Variants in ZKSCAN1 observed in about 807,000 individuals in gnomAD.
ZKSCAN1 encodes zinc finger with KRAB and SCAN domains 1.
In ZKSCAN1, 14 loss-of-function variants were observed where a neutral mutation model predicts 51.6. The observed-to-expected ratio is 0.27, with a 90% CI of 0.18 to 0.42. The LOEUF is 0.42. Among genes scored for constraint, ZKSCAN1 ranks in the 10% least tolerant of loss-of-function variants. The pLI, the probability that ZKSCAN1 is intolerant of heterozygous loss-of-function variation, is 1.00. For missense variants in ZKSCAN1, 531 were observed against 710.0 expected, an observed-to-expected ratio of 0.75 and a Z score of 2.86; for synonymous variants, 263 against 261.5, an observed-to-expected ratio of 1.01 and a Z score of -0.06.
chr7:100,022,582 T>C (rs1383756239), intron 1 of ZKSCAN1, among the ~76,000 whole-genome samples: 1 of 152,236 alleles, frequency 6.6e-6, no homozygotes, highest in Non-Finnish European at 1.5e-5. Context: ...ACAATTTAAC[T>C]GCCCAAGTCA....
chr7:100,028,427 T>G (rs1278681873), intron 3 of ZKSCAN1, among the ~76,000 whole-genome samples: 3 of 151,906 alleles, frequency 2.0e-5, no homozygotes, highest in Admixed American at 2.0e-4. Flanking sequence ...GGTGGGAGGA[T>G]CACTTGAGCC....
chr7:100,030,226 CTGTT>C lies in ZKSCAN1; in HGVS notation c.673-19_673-16del, dbSNP rs1791048544. 6.8e-6 allele frequency: 11 copies of C among 1,609,682 alleles called. No individual in the cohort carries two copies. The highest frequency in any genetic ancestry group is 8.5e-6 in the Non-Finnish European group (10 of 1,176,936). ...TGTCCCTGAGTTTGGGGGGAAATGA[CTGTT>C]TGTCTCGTGTTATTTTAGGCAATGG... On this transcript the variant is annotated intron_variant, in intron 4 of 5. Transcript: ENST00000324306.
chr7:100,044,382 A>C (rs1004363491), downstream of ZKSCAN1, among the ~76,000 whole-genome samples: 1 of 152,024 alleles, frequency 6.6e-6, no homozygotes, highest in Non-Finnish European at 1.5e-5. Context: ...AACAAGTAGC[A>C]CTGAGCCGGG....
chr7:100,024,261 C>A lies in ZKSCAN1; in HGVS notation c.534C>A (p.Ser178=). 2 of 1,613,990 alleles carry A rather than the reference C, an allele frequency of 1.2e-6. No individual in the cohort carries two copies. The highest frequency in any genetic ancestry group is 3.3e-4 in the Middle Eastern group (2 of 6,062). Residue 178 remains serine, a synonymous_variant, in exon 3 of 6, where the codon TCC becomes TCA. Coordinates refer to ENST00000324306, the MANE Select transcript of ZKSCAN1 (RefSeq NM_003439.4). Reference sequence around the variant, plus strand: ...ACCTTCATCACGAGGCCACCCAGTCCCACTTCAAACATTCGTCTCGGAAAC... The same window carrying A: ...ACCTTCATCACGAGGCCACCCAGTCACACTTCAAACATTCGTCTCGGAAAC... The part of the protein sequence containing the change: ...SFDLHHEATQ[S]HFKHSSRKPR...
At chr7:100,027,747 C>CAAAA (rs1199868325) in intron 3 of ZKSCAN1, among the ~76,000 whole-genome samples, 2 of 68,408 alleles carry the variant, frequency 2.9e-5, no homozygotes, top group Admixed American at 1.7e-4. Context: ...GATGCTGTCT[C>CAAAA]AAAAAAAAAA....
chr7:100,024,116 A>G (rs1388709393), intron 2 of ZKSCAN1, 38 bp from the exon 3 acceptor site: 1 of 1,574,586 alleles, frequency 6.4e-7, no homozygotes, highest in Non-Finnish European at 8.6e-7. Context: ...CCCATTTACA[A>G]AGTGATTTAC....
chr7:100,040,098 CA>C lies in ZKSCAN1; in HGVS notation c.*5904del. Reference sequence around the variant, plus strand: ...TTTTACTTTTCAAAGCTTTGTGAAACAAACTTGAAGTTATAGGGAGGTAAGC... The same window carrying C: ...TTTTACTTTTCAAAGCTTTGTGAAACAACTTGAAGTTATAGGGAGGTAAGC... On this transcript the variant is annotated 3_prime_UTR_variant, in exon 6 of 6. Transcript: ENST00000324306. 1 of 939,298 alleles carries C rather than the reference CA, an allele frequency of 1.1e-6. No homozygotes were observed. Among genetic ancestry groups the C allele is most frequent in the Non-Finnish European group, 1.3e-6 (1 of 788,290 alleles). 58.2% of individuals were successfully genotyped at this position (939,298 alleles called of 1,614,324 possible). A position where few individuals can be genotyped will look rare whatever the true frequency, so the allele number is the denominator to read the frequency against.
chr7:100,021,861 T>C (rs1371637725), intron 1 of ZKSCAN1, among the ~76,000 whole-genome samples: 1 of 151,830 alleles, frequency 6.6e-6, no homozygotes, highest in Non-Finnish European at 1.5e-5. Context: ...CCTCCCACCT[T>C]AGCCTCCTGA....
rs915131799 is a variant in ZKSCAN1 at position 100,023,651 on chromosome 7, C to T, written c.145C>T (p.Pro49Ser). The T allele has an allele frequency of 1.9e-6, 3 of 1,614,020 alleles. No individual in the cohort carries two copies. Among genetic ancestry groups the T allele is most frequent in the African/African-American group, 1.3e-5 (1 of 74,940 alleles). Residue 49 changes from proline (P) to serine (S), a missense_variant, in exon 2 of 6, where the codon CCT becomes TCT. Physicochemically the swap from Pro to Ser is moderately conservative, Grantham distance 74. Around this residue, in one of 2 missense-constraint regions of ZKSCAN1, gnomAD observed 403 missense variants for 490.5 expected, o/e 0.82. Transcript: ENST00000324306. ...GGATTCCACCCTACAGGACACGCCT[C>T]CTCCAGACCCAGAGATATTCCGCCA... ...GQDSTLQDTP[P>S]PDPEIFRQRF... is the part of the protein sequence containing the mutation.
chr7:100,028,828 C>A (rs529132970), intron 3 of ZKSCAN1, among the ~76,000 whole-genome samples: 1 of 148,846 alleles, frequency 6.7e-6, no homozygotes, highest in East Asian at 2.0e-4. Context: ...TTTATTGTGG[C>A]CAAGTGAGGG....
Position 100,040,216 on chromosome 7 carries a change from G to A in ZKSCAN1, c.*6019G>A, listed in dbSNP as rs1214970451. 2.9e-5 allele frequency: 29 copies of A among 985,262 alleles called. No individual in the cohort carries two copies. Among genetic ancestry groups the A allele is most frequent in the Non-Finnish European group, 3.5e-5 (29 of 829,934 alleles). The allele number at this position is 985,262 out of a possible 1,614,324, so 61.0% of individuals were successfully genotyped here. A position where few individuals can be genotyped will look rare whatever the true frequency, so the allele number is the denominator to read the frequency against. The stretch of plus-strand genomic sequence containing the variant: ...TCTTAACATGAGAATTGAATTTCAT[G>A]ATGTGTGGTTCCATTTAATAGCGGA... On this transcript the variant is annotated 3_prime_UTR_variant, in exon 6 of 6. Transcript: ENST00000324306.
chr7:100,020,732 G>A (rs1180167898), intron 1 of ZKSCAN1, among the ~76,000 whole-genome samples: 2 of 152,170 alleles, frequency 1.3e-5, no homozygotes, highest in African/African-American at 4.8e-5. Flanking sequence ...AATATGTTTA[G>A]TGAGAGCCAT....
chr7:100,033,814 G>A lies in ZKSCAN1; in HGVS notation c.1309G>A (p.Glu437Lys), dbSNP rs769034538. 13 of 1,614,210 alleles carry A rather than the reference G, an allele frequency of 8.1e-6. No homozygotes were observed. The highest frequency in any genetic ancestry group is 2.2e-5 in the South Asian group (2 of 91,088). The part of the protein sequence containing the change: ...HTGEKPHECN[E>K]CGKAFSHSSN... ...AGGAGAGAAACCTCATGAATGTAAC[G>A]AGTGTGGCAAGGCCTTCAGCCACAG... The change falls in exon 6 of 6, where the codon GAG becomes AAG. Residue 437 changes from glutamate (E) to lysine (K), a missense_variant. Around this residue, in one of 2 missense-constraint regions of ZKSCAN1, gnomAD observed 128 missense variants for 219.5 expected, o/e 0.58. Coordinates refer to ENST00000324306, the MANE Select transcript of ZKSCAN1 (RefSeq NM_003439.4). The surrounding 1 kb of genome is among the most constrained non-coding windows in gnomAD (Gnocchi z 4.1).
Position 100,034,050 on chromosome 7 carries a change from G to A in ZKSCAN1, c.1545G>A (p.Lys515=), listed in dbSNP as rs377437273. The A allele has an allele frequency of 1.8e-5, 29 of 1,613,976 alleles. No individual in the cohort carries two copies. In the African/African-American group the frequency reaches 2.4e-4, roughly 13 times the overall value. Residue 515 remains lysine, a synonymous_variant, in exon 6 of 6, where the codon AAG becomes AAA. Transcript: ENST00000324306. ...ATCGGAGAATTCACACTCGAGAAAA[G>A]CCCTACAAGTGCACTAAGTGTGGCA... ...ILHRRIHTRE[K]PYKCTKCGKA...
At position 100,033,827 on chromosome 7, in the gene ZKSCAN1, C is replaced by T; in HGVS notation, c.1322C>T (p.Ala441Val). ...KPHECNECGK[A>V]FSHSSNLILH... The stretch of plus-strand genomic sequence containing the variant: ...CATGAATGTAACGAGTGTGGCAAGG[C>T]CTTCAGCCACAGTTCCAATCTCATC... The change falls in exon 6 of 6, where the codon GCC (alanine) becomes GTC (valine). Residue 441 changes from alanine to valine, a missense_variant. By Grantham distance (64) the Ala-to-Val change is moderately conservative. Transcript: ENST00000324306. The surrounding 1 kb of genome is among the most constrained non-coding windows in gnomAD (Gnocchi z 4.1). 1 of 1,614,192 alleles carries T rather than the reference C, an allele frequency of 6.2e-7. No homozygotes were observed. The highest frequency in any genetic ancestry group is 8.5e-7 in the Non-Finnish European group (1 of 1,180,038).
At position 100,040,116 on chromosome 7, in the gene ZKSCAN1, G is replaced by T; in HGVS notation, c.*5919G>T. 1 of 956,508 alleles carries T rather than the reference G, an allele frequency of 1.0e-6. No individual in the cohort carries two copies. Among genetic ancestry groups the T allele is most frequent in the Non-Finnish European group, 1.2e-6 (1 of 803,766 alleles). 59.3% of individuals were successfully genotyped at this position (956,508 alleles called of 1,614,324 possible). On this transcript the variant is annotated 3_prime_UTR_variant, in exon 6 of 6. Transcript: ENST00000324306. ...TGTGAAACAAACTTGAAGTTATAGGGAGGTAAGCCATCTCCAACTCTGCAG... is the reference window on the plus strand; with the variant it reads ...TGTGAAACAAACTTGAAGTTATAGGTAGGTAAGCCATCTCCAACTCTGCAG...
rs1791188864 is a variant in ZKSCAN1 at position 100,033,225 on chromosome 7, T to C, written c.800-80T>C. On this transcript the variant is annotated intron_variant, in intron 5 of 5. Coordinates refer to ENST00000324306, the MANE Select transcript of ZKSCAN1 (RefSeq NM_003439.4). This position sits in a 1 kb window ranked among gnomAD's most constrained non-coding sequence, Gnocchi z 4.1. ...AGTCATTTTGCAGCCGTGTAGAAGCTTCTCGGGAAACTGTCGCTTGACCCA... is the reference window on the plus strand; with the variant it reads ...AGTCATTTTGCAGCCGTGTAGAAGCCTCTCGGGAAACTGTCGCTTGACCCA... The C allele has an allele frequency of 5.4e-6, 8 of 1,481,174 alleles. No individual in the cohort carries two copies. The highest frequency in any genetic ancestry group is 2.8e-5 in the Admixed American group (1 of 36,138). The allele number at this position is 1,481,174 out of a possible 1,614,324, so 91.8% of individuals were successfully genotyped here.
intron 5 of ZKSCAN1, among the ~76,000 whole-genome samples, chr7:100,032,175 C>T (rs1374220640): frequency 6.6e-6 from 1 of 152,226 alleles, no homozygotes; most frequent in African/African-American, 2.4e-5. Flanking sequence ...TCCTTTCTTT[C>T]TGCTAATACC....
rs1031580655 is a variant in ZKSCAN1 at position 100,037,257 on chromosome 7, C to T, written c.*3060C>T. ...AGTTAACCATTAGCATGCTAGTTGTCCTAATGGAAATTTTTGAAGAGTTTT... is the reference window on the plus strand; with the variant it reads ...AGTTAACCATTAGCATGCTAGTTGTTCTAATGGAAATTTTTGAAGAGTTTT... On this transcript the variant is annotated 3_prime_UTR_variant, in exon 6 of 6. Transcript: ENST00000324306. 12 of 985,232 alleles carry T rather than the reference C, an allele frequency of 1.2e-5. No homozygotes were observed. The highest frequency in any genetic ancestry group is 8.4e-6 in the Non-Finnish European group (7 of 829,942). The allele number at this position is 985,232 out of a possible 1,614,324, so 61.0% of individuals were successfully genotyped here.
Sources: gnomAD v4.1 joint callset for allele counts (sites outside exome capture counted in the v4.1 genomes callset) on GRCh38, gnomAD v4.1.1 for gene constraint, gnomAD v4.1.1 regional missense constraint, Gnocchi (gnomAD v3.1) non-coding constraint, MANE v1.5 for transcripts, NCBI Gene and HGNC (gene_info 2026-07-23, HGNC 2026-07-21) for gene names.